Variants in TET2 observed in about 807,000 individuals in gnomAD.
TET2 encodes the protein methylcytosine dioxygenase TET2.
TET2 carries 299 observed loss-of-function variants against 142.9 expected under a neutral mutation model. The observed-to-expected ratio is 2.09, with a 90% CI of 1.90 to 2.30. The LOEUF (loss-of-function observed/expected upper bound fraction) is 2.30, where lower values mean the gene tolerates loss of function less well. Ranked by LOEUF, TET2 falls within the 30% of genes most tolerant of loss-of-function variation. The pLI, the probability that TET2 is intolerant of heterozygous loss-of-function variation, is 0.00. For missense variants in TET2, 2,418 were observed against 2,378.0 expected, an observed-to-expected ratio of 1.02 and a Z score of -0.35; for synonymous variants, 819 against 849.0, an observed-to-expected ratio of 0.96 and a Z score of 0.61.
chr4:105,237,286 C>A lies in TET2; in HGVS notation c.3344C>A (p.Pro1115His), dbSNP rs1372296376. 2 of 1,614,084 alleles carry A rather than the reference C, an allele frequency of 1.2e-6. No individual in the cohort carries two copies. Among genetic ancestry groups the A allele is most frequent in the Admixed American group, 1.7e-5 (1 of 60,004 alleles). ...IESPSKLLDT[P>H]IKNLLDTPVK... ...TCACCTTCCAAATTACTAGATACTC[C>A]TATAAAAAATTTATTGGATACACCT... Residue 1115 changes from proline (P) to histidine (H), a missense_variant, in exon 3 of 11, where the codon CCT (proline) becomes CAT (histidine). Transcript: ENST00000380013.
In TET2 at chr4:105,236,191, T is replaced by C. The variant is rs1728883091; in HGVS notation, c.2249T>C (p.Ile750Thr). 1 of 1,613,612 alleles carries C rather than the reference T, an allele frequency of 6.2e-7. No homozygotes were observed. Residue 750 changes from isoleucine to threonine, a missense_variant, in exon 3 of 11, where the codon ATA becomes ACA. Ile to Thr is a moderately conservative substitution (Grantham distance 89, BLOSUM62 -1). Transcript: ENST00000380013. ...QNQQQQQKLQIKNKEEILQTF... is the reference protein window; with the variant it reads ...QNQQQQQKLQTKNKEEILQTF... ...CAGCAACAGCAGCAAAAATTACAAA[T>C]AAAGAATAAAGAGGAAATACTCCAG...
At chr4:105,226,019 T>A (rs540180764) in intron 2 of TET2, among the ~76,000 whole-genome samples, 1 of 152,142 alleles carries the variant, frequency 6.6e-6, no homozygotes, top group Non-Finnish European at 1.5e-5. Context: ...GCAAAAGACA[T>A]GCAAAATGCC....
rs1031821350 is a variant in TET2 at position 105,262,241 on chromosome 4, C to G, written c.4044+393C>G. Among the ~76,000 whole-genome samples the G allele has an allele frequency of 4.6e-5, 7 of 152,224 alleles. No individual in the cohort carries two copies. In the South Asian group the frequency reaches 1.2e-3, roughly 27 times the overall value. On this transcript the variant is annotated intron_variant, in intron 8 of 10. Coordinates refer to ENST00000380013, the MANE Select transcript of TET2 (RefSeq NM_001127208.3). ...GTATTCATAAGAATTTATAGACTTA[C>G]AAATATTCACATAAAGCTATGCATA...
intron 1 of TET2, among the ~76,000 whole-genome samples, chr4:105,178,981 C>A (rs1405054025): frequency 2.6e-5 from 4 of 152,054 alleles, no homozygotes; most frequent in Non-Finnish European, 5.9e-5. Context: ...GGTGACTTCA[C>A]AAAGTGGCAG....
At chr4:105,163,403 T>C (rs1404236784) in intron 1 of TET2, among the ~76,000 whole-genome samples, 2 of 152,164 alleles carry the variant, frequency 1.3e-5, no homozygotes, top group South Asian at 2.1e-4. Flanking sequence ...GAAAGGACTT[T>C]AGAGACTCAG....
At chr4:105,224,653 A>G (rs994607634) in intron 2 of TET2, among the ~76,000 whole-genome samples, 1 of 150,986 alleles carries the variant, frequency 6.6e-6, no homozygotes, top group African/African-American at 2.4e-5. Flanking sequence ...GACATAGAAG[A>G]TAAAGGTTAA....
At chr4:105,183,753 C>T (rs779360697) in intron 1 of TET2, among the ~76,000 whole-genome samples, 5 of 152,140 alleles carry the variant, frequency 3.3e-5, no homozygotes, top group Non-Finnish European at 7.4e-5. Context: ...GAATTATTGC[C>T]CTGTAGTCAG....
At chr4:105,257,139 A>T (rs80109462) in intron 6 of TET2, among the ~76,000 whole-genome samples, 2,066 of 152,270 alleles carry the variant, frequency 0.014, 45 homozygotes, top group African/African-American at 0.045. Context: ...TAGACATTTT[A>T]AACTAATGTA....
rs1241001811 is a variant in TET2 at position 105,279,139 on chromosome 4, T to C, written c.*2620T>C. 3 of 232,654 alleles carry C rather than the reference T, an allele frequency of 1.3e-5. No homozygotes were observed. The highest frequency in any genetic ancestry group is 1.8e-4 in the South Asian group (1 of 5,522). The allele number at this position is 232,654 out of a possible 1,614,324, so 14.4% of individuals were successfully genotyped here. A position where few individuals can be genotyped will look rare whatever the true frequency, so the allele number is the denominator to read the frequency against. ...TTGCTTACAAACCACATGATTTTAA[T>C]GTTTTTTGTATACCATAATATCTAG... is the stretch of plus-strand genomic sequence containing the variant. On this transcript the variant is annotated 3_prime_UTR_variant, in exon 11 of 11. Coordinates refer to ENST00000380013, the MANE Select transcript of TET2 (RefSeq NM_001127208.3).
rs1338753304 is a variant in TET2 at position 105,235,887 on chromosome 4, C to G, written c.1945C>G (p.Gln649Glu). Residue 649 changes from glutamine (Q) to glutamate (E), a missense_variant, in exon 3 of 11, where the codon CAA becomes GAA. Coordinates refer to ENST00000380013, the MANE Select transcript of TET2 (RefSeq NM_001127208.3). ...AGGGCAGTCCCAAGGTACAGTGGAC[C>G]AACATCTCCAGTTCCAAAAACCCTC... is the stretch of plus-strand genomic sequence containing the variant. The part of the protein sequence containing the change: ...NQGQSQGTVD[Q>E]HLQFQKPSHQ... 5.6e-6 allele frequency: 9 copies of G among 1,613,886 alleles called. No individual in the cohort carries two copies. In the South Asian group the frequency reaches 9.9e-5, roughly 18 times the overall value.
chr4:105,255,778 A>C (rs1269088841), intron 6 of TET2, among the ~76,000 whole-genome samples: 1 of 151,786 alleles, frequency 6.6e-6, no homozygotes, highest in Non-Finnish European at 1.5e-5. Flanking sequence ...TTGCCTTTTA[A>C]TTTTTCAATT....
At chr4:105,258,957 G>C (rs1336308323) in intron 6 of TET2, among the ~76,000 whole-genome samples, 1 of 152,106 alleles carries the variant, frequency 6.6e-6, no homozygotes, top group Non-Finnish European at 1.5e-5. Flanking sequence ...ATGGAATATG[G>C]TACTCAATGA....
intron 6 of TET2, among the ~76,000 whole-genome samples, chr4:105,257,357 T>G (rs1372342078): frequency 1.3e-5 from 2 of 152,068 alleles, no homozygotes; most frequent in Non-Finnish European, 2.9e-5. Flanking sequence ...CTGTTTCTGG[T>G]GGTTGTTGTT....
At chr4:105,237,501 C>G (rs554791437) in intron 3 of TET2, 150 bp downstream of exon 3, 2 of 1,602,880 alleles carry the variant, frequency 1.2e-6, no homozygotes, top group Non-Finnish European at 1.7e-6. Context: ...CATTTTTTGT[C>G]AAGTTACCGA....
chr4:105,184,252 C>T (rs182097453), intron 1 of TET2, among the ~76,000 whole-genome samples: 6 of 152,060 alleles, frequency 3.9e-5, no homozygotes, highest in South Asian at 2.1e-4. Context: ...TTTTTATTTT[C>T]GGAAACTATA....
At chr4:105,272,394 T>C (rs1731006123) in intron 9 of TET2, among the ~76,000 whole-genome samples, 170 bp from the exon 10 acceptor site, 2 of 152,156 alleles carry the variant, frequency 1.3e-5, no homozygotes, top group Admixed American at 1.3e-4. Flanking sequence ...TTTGTTGCTA[T>C]TTTCATTAAT....
chr4:105,149,155 T>G (rs1229230950), intron 1 of TET2, among the ~76,000 whole-genome samples: 2 of 152,212 alleles, frequency 1.3e-5, no homozygotes, highest in African/African-American at 4.8e-5. Flanking sequence ...AAACAATTCC[T>G]TTTGCTAACA....
At chr4:105,189,485 CAGAG>C (rs989958768) in intron 1 of TET2, among the ~76,000 whole-genome samples, 2 of 151,474 alleles carry the variant, frequency 1.3e-5, no homozygotes, top group Non-Finnish European at 3.0e-5. Flanking sequence ...ACTCTTCAGT[CAGAG>C]AGAGCTTTTT....
intron 6 of TET2, among the ~76,000 whole-genome samples, chr4:105,254,639 T>G (rs2110275876): frequency 6.6e-6 from 1 of 152,254 alleles, no homozygotes; most frequent in African/African-American, 2.4e-5. Context: ...CTTGAACTCC[T>G]GGACTCAAGC....
Sources: gnomAD v4.1 joint callset for allele counts (sites outside exome capture counted in the v4.1 genomes callset) on GRCh38, gnomAD v4.1.1 for gene constraint, MANE v1.5 for transcripts, NCBI Gene and HGNC (gene_info 2026-07-23, HGNC 2026-07-21) for gene names.